USP7: variants seen among roughly 807,000 people sequenced by gnomAD.
The protein encoded by USP7 is ubiquitin specific peptidase 7.
A neutral mutation model predicts 162.9 loss-of-function variants in USP7; 9 were observed. The ratio of observed to expected loss-of-function variants is 0.06; its 90% CI spans 0.03 to 0.10. The LOEUF (loss-of-function observed/expected upper bound fraction) is 0.10, where lower values mean the gene tolerates loss of function less well. USP7 is among the 10% of genes least tolerant of loss of function. USP7 has a pLI of 1.00. For synonymous variants in USP7, 562 were observed against 475.9 expected (o/e 1.18, Z -2.35); for missense variants, 715 against 1,373.7 (o/e 0.52, Z 7.58).
At chr16:8,895,848 T>C (rs1055425149) in intron 26 of USP7, 107 bp from the exon 27 acceptor site, 18 of 827,038 alleles carry the variant, frequency 2.2e-5, no homozygotes, top group Admixed American at 6.2e-5. Context: ...TGTTTTTTTT[T>C]TTTTTTTTGA....
intron 11 of USP7, among the ~76,000 whole-genome samples, chr16:8,908,786 G>A (rs1481423033): frequency 6.6e-6 from 1 of 152,200 alleles, no homozygotes; most frequent in African/African-American, 2.4e-5. Context: ...ATTAAACACT[G>A]TGCAAATTAT....
Position 8,923,325 on chromosome 16 carries a change from A to T in USP7, c.273T>A (p.Phe91Leu). 1 of 1,609,100 alleles carries T rather than the reference A, an allele frequency of 6.2e-7. No homozygotes were observed. The highest frequency in any genetic ancestry group is 8.5e-7 in the Non-Finnish European group (1 of 1,178,292). ...TAATCTTCCATGGCAGATTTCGCAC[A>T]AAACACGGAGGGCTAAGGACCGACT... Reference protein sequence around the residue: ...LSESVLSPPCFVRNLPWKIMV... With the variant: ...LSESVLSPPCLVRNLPWKIMV... Residue 91 changes from phenylalanine to leucine, a missense_variant, in exon 3 of 31, where the codon TTT becomes TTA. Coordinates refer to ENST00000344836, the MANE Select transcript of USP7 (RefSeq NM_003470.3).
intron 1 of USP7, among the ~76,000 whole-genome samples, chr16:8,948,103 A>T (rs1370407935): frequency 6.6e-6 from 1 of 152,162 alleles, no homozygotes; most frequent in African/African-American, 2.4e-5. Context: ...CCCAGATGCT[A>T]ATAGAGCTCC....
At chr16:8,955,820 CAGCTTTTTT>C (rs774733250) in intron 1 of USP7, among the ~76,000 whole-genome samples, 3 of 151,340 alleles carry the variant, frequency 2.0e-5, no homozygotes, top group Non-Finnish European at 4.4e-5. Context: ...CAATGGCTTA[CAGCTTTTTT>C]AAGGGGCTGT....
rs1266766616 is a variant in USP7, at chr16:8,948,307, A to G, written c.79+14900T>C. On this transcript the variant is annotated intron_variant, in intron 1 of 30. Transcript: ENST00000344836. The stretch of plus-strand genomic sequence containing the variant: ...AAGCAATCCTCCCACCTCAGCCTCC[A>G]GAGTAGCTGGAACTACAAGCACACG... 2.0e-5 allele frequency among the ~76,000 whole-genome samples: 3 copies of G among 152,214 alleles called. No individual in the cohort carries two copies. In the East Asian group the frequency reaches 5.8e-4, roughly 29 times the overall value.
chr16:8,962,023 G>A (rs754387673), intron 1 of USP7, among the ~76,000 whole-genome samples: 2 of 152,164 alleles, frequency 1.3e-5, no homozygotes, highest in Non-Finnish European at 2.9e-5. Context: ...TCCAATTACT[G>A]GAAGTAAGTT....
chr16:8,912,240 T>C (rs1445291523), intron 10 of USP7, among the ~76,000 whole-genome samples: 1 of 151,628 alleles, frequency 6.6e-6, no homozygotes, highest in East Asian at 2.0e-4. Flanking sequence ...TCGCCTGAGG[T>C]CAGGAGTTCC....
intron 21 of USP7, chr16:8,900,046 AC>A (rs1169896392): frequency 1.2e-5 from 6 of 480,268 alleles, no homozygotes; most frequent in African/African-American, 1.2e-4. Context: ...ACAGGAGCAG[AC>A]CCAGACGCAG....
At chr16:8,936,486 C>T in intron 1 of USP7, 3 of 1,293,474 alleles carry the variant, frequency 2.3e-6, no homozygotes, top group Non-Finnish European at 3.1e-6. Flanking sequence ...AGATGTATAG[C>T]CCCAAATATA....
chr16:8,934,500 T>C (rs1299448655), intron 1 of USP7, among the ~76,000 whole-genome samples: 1 of 152,224 alleles, frequency 6.6e-6, no homozygotes, highest in African/African-American at 2.4e-5. Flanking sequence ...ACCCCCCATT[T>C]TTCAGCAGTG....
rs1390556037 is a variant in USP7, at chr16:8,928,819, C to T, written c.184+1474G>A. ...CTGTCTACTAATTTAGTGAAATGTACCTCAAAAGGAAGGGGACTTTACCCA... is the reference window on the plus strand; with the variant it reads ...CTGTCTACTAATTTAGTGAAATGTATCTCAAAAGGAAGGGGACTTTACCCA... On this transcript the variant is annotated intron_variant, in intron 2 of 30. Transcript: ENST00000344836. Among the ~76,000 whole-genome samples the T allele has an allele frequency of 2.0e-5, 3 of 152,192 alleles. No homozygotes were observed. The East Asian group carries it at 5.8e-4, about 29-fold the overall frequency.
intron 1 of USP7, among the ~76,000 whole-genome samples, chr16:8,940,922 G>C (rs1180784939): frequency 6.6e-6 from 1 of 152,160 alleles, no homozygotes; most frequent in Non-Finnish European, 1.5e-5. Flanking sequence ...GTAATCAAGT[G>C]GGGGTGAAGG....
chr16:8,919,192 G>A lies in USP7; in HGVS notation c.612-53C>T, dbSNP rs113556549. ...ATCTTGCAGATACCCCATTGCTCCT[G>A]CAGTGTGTGTGAAGCAATCTGACTC... On this transcript the variant is annotated intron_variant, in intron 5 of 30. Transcript: ENST00000344836. The A allele has an allele frequency of 9.8e-4, 1,536 of 1,574,222 alleles. 16 individuals are homozygous for A. The African/African-American group carries it at 0.016, about 16-fold the overall frequency.
At chr16:8,918,831 G>T (rs930166446) in intron 6 of USP7, among the ~76,000 whole-genome samples, 200 bp downstream of exon 6, 2 of 152,104 alleles carry the variant, frequency 1.3e-5, no homozygotes, top group African/African-American at 4.8e-5. Flanking sequence ...GGTTGGCGGT[G>T]GTAACTCTGA....
In USP7 at chr16:8,892,718, G is replaced by A. The variant is rs1005485910; in HGVS notation, c.*1280C>T. ...TGTTACAAATGCCAAGGTTTCCCAGGCCTGTTTCCAGGGAGAGTAGAAATC... is the reference window on the plus strand; with the variant it reads ...TGTTACAAATGCCAAGGTTTCCCAGACCTGTTTCCAGGGAGAGTAGAAATC... On this transcript the variant is annotated 3_prime_UTR_variant, in exon 31 of 31. Transcript: ENST00000344836. The A allele has an allele frequency of 1.3e-5, 2 of 151,830 alleles. No individual in the cohort carries two copies. The highest frequency in any genetic ancestry group is 2.9e-5 in the Non-Finnish European group (2 of 67,980). 9.4% of individuals were successfully genotyped at this position (151,830 alleles called of 1,614,324 possible). A position where few individuals can be genotyped will look rare whatever the true frequency, so the allele number is the denominator to read the frequency against.
chr16:8,949,925 C>T (rs1899473257), intron 1 of USP7, among the ~76,000 whole-genome samples: 1 of 152,170 alleles, frequency 6.6e-6, no homozygotes, highest in African/African-American at 2.4e-5. Flanking sequence ...TCAAGGAGGT[C>T]TAACGGTTGC....
At chr16:8,962,404 C>T (rs2141271908) in intron 1 of USP7, 3 of 348,478 alleles carry the variant, frequency 8.6e-6, no homozygotes, top group South Asian at 6.1e-5. Context: ...CCAACCTTTA[C>T]AACCAAGACT....
intron 1 of USP7, among the ~76,000 whole-genome samples, chr16:8,948,500 T>A (rs964566359): frequency 6.6e-6 from 1 of 152,138 alleles, no homozygotes. Flanking sequence ...TTAACTCAAC[T>A]TAGTAAGTGA....
chr16:8,944,938 C>G (rs1252767467), intron 1 of USP7, among the ~76,000 whole-genome samples: 1 of 151,962 alleles, frequency 6.6e-6, no homozygotes, highest in Non-Finnish European at 1.5e-5. Flanking sequence ...CGAAACCTCG[C>G]CTCTACTAAA....
Sources: allele counts gnomAD v4.1 joint callset (sites outside exome capture counted in the v4.1 genomes callset), GRCh38; gene constraint gnomAD v4.1.1; transcripts MANE v1.5; gene names NCBI Gene and HGNC (gene_info 2026-07-23, HGNC 2026-07-21).